Variants in HNRNPC observed in about 807,000 individuals in gnomAD.
HNRNPC encodes heterogeneous nuclear ribonucleoproteins C1/C2.
A neutral mutation model predicts 33.2 loss-of-function variants in HNRNPC; 3 were observed. The ratio of observed to expected loss-of-function variants is 0.09; its 90% confidence interval spans 0.04 to 0.23. The LOEUF (loss-of-function observed/expected upper bound fraction) is 0.23, where lower values mean the gene tolerates loss of function less well. Ranked by LOEUF, HNRNPC falls within the 10% of genes least tolerant of loss-of-function variation. HNRNPC has a pLI of 1.00. For synonymous variants in HNRNPC, 121 were observed against 126.7 expected (o/e 0.96, Z 0.30); for missense variants, 143 against 366.7 (o/e 0.39, Z 4.98).
chr14:21,255,943 A>C (rs949663957), intron 2 of HNRNPC, among the ~76,000 whole-genome samples: 1 of 152,224 alleles, frequency 6.6e-6, no homozygotes, highest in African/African-American at 2.4e-5. Flanking sequence ...AAACTGTATG[A>C]GTCAGAGAAA....
intron 6 of HNRNPC, among the ~76,000 whole-genome samples, chr14:21,212,270 T>C (rs999504510): frequency 5.9e-5 from 9 of 152,108 alleles, no homozygotes; most frequent in Non-Finnish European, 1.3e-4. Flanking sequence ...CCTAAGCATC[T>C]GGGGCTACAG....
intron 5 of HNRNPC, among the ~76,000 whole-genome samples, chr14:21,215,890 C>A (rs1488559670): frequency 7.7e-6 from 1 of 129,534 alleles, no homozygotes; most frequent in Non-Finnish European, 1.6e-5. Context: ...CAGAGCAAGA[C>A]TCCGTCTTAA....
chr14:21,262,488 A>G (rs1341496047), intron 2 of HNRNPC: 3 of 152,272 alleles, frequency 2.0e-5, no homozygotes, highest in Admixed American at 1.3e-4. Context: ...AGATGCACAC[A>G]CAAAAGTTTC....
intron 5 of HNRNPC, among the ~76,000 whole-genome samples, chr14:21,224,275 T>C (rs1355765159): frequency 2.0e-5 from 3 of 152,180 alleles, no homozygotes; most frequent in Non-Finnish European, 4.4e-5. Flanking sequence ...CTATTAATAG[T>C]TGAAGAAATG....
intron 2 of HNRNPC, among the ~76,000 whole-genome samples, chr14:21,245,505 T>C (rs57801774): frequency 1.3e-5 from 2 of 151,354 alleles, no homozygotes. Context: ...AAAAAAAATA[T>C]ATATATATTT....
intron 2 of HNRNPC, chr14:21,254,451 C>T (rs971740127): frequency 2.0e-5 from 3 of 152,118 alleles, no homozygotes; most frequent in East Asian, 1.9e-4. Flanking sequence ...TGGAAGAACA[C>T]CCCAAATGTT....
chr14:21,256,009 G>A (rs993962951), intron 2 of HNRNPC, among the ~76,000 whole-genome samples: 3 of 152,188 alleles, frequency 2.0e-5, no homozygotes, highest in African/African-American at 7.2e-5. Context: ...ATACAGTTAA[G>A]AAGGCCAGTG....
chr14:21,241,804 C>CT (rs1895373157), intron 2 of HNRNPC, among the ~76,000 whole-genome samples: 1 of 152,202 alleles, frequency 6.6e-6, no homozygotes, highest in South Asian at 2.1e-4. Context: ...AAGGTAAATA[C>CT]TGTGAGAGTA....
intron 2 of HNRNPC, among the ~76,000 whole-genome samples, chr14:21,245,084 CAAAAAAA>C (rs71112560): frequency 2.0e-4 from 11 of 54,624 alleles, no homozygotes; most frequent in African/African-American, 2.6e-4. Context: ...GACTCCATCT[CAAAAAAA>C]AAAAAAAAAA....
intron 5 of HNRNPC, among the ~76,000 whole-genome samples, chr14:21,229,574 A>AC (rs965255277): frequency 6.6e-6 from 1 of 151,838 alleles, no homozygotes; most frequent in African/African-American, 2.4e-5. Flanking sequence ...TCTCAAACAG[A>AC]AAGTCTATAC....
chr14:21,226,844 C>T (rs1197763109), intron 5 of HNRNPC, among the ~76,000 whole-genome samples: 2 of 132,870 alleles, frequency 1.5e-5, no homozygotes, highest in Admixed American at 9.5e-5. Flanking sequence ...CAACCCACTG[C>T]ACTCCAGCCT....
intron 4 of HNRNPC, 138 bp from the exon 5 acceptor site, chr14:21,230,504 A>G: frequency 1.5e-6 from 1 of 646,686 alleles, no homozygotes; most frequent in Non-Finnish European, 2.8e-6. Flanking sequence ...CCAATCATTC[A>G]TACAATAAAT....
chr14:21,267,114 A>C lies in HNRNPC; in HGVS notation c.-63+2184T>G, dbSNP rs1471259925. 2.0e-4 allele frequency among the ~76,000 whole-genome samples: 13 copies of C among 66,624 alleles called. 1 individual carries two copies. The highest frequency in any genetic ancestry group is 6.9e-4 in the Admixed American group (4 of 5,836). 43.7% of individuals were successfully genotyped at this position (66,624 alleles called of 152,430 possible). A position where few individuals can be genotyped will look rare whatever the true frequency, so the allele number is the denominator to read the frequency against. On this transcript the variant is annotated intron_variant, in intron 1 of 8. Coordinates refer to ENST00000553300, the MANE Select transcript of HNRNPC (RefSeq NM_004500.4). ...CCGTCTCAAAAAAAAAAAAAAAAAA[A>C]AAAAAAAAAAAAACAAAACTGCTTT...
At chr14:21,255,833 G>C (rs1469223570) in intron 2 of HNRNPC, among the ~76,000 whole-genome samples, 1 of 152,172 alleles carries the variant, frequency 6.6e-6, no homozygotes, top group Non-Finnish European at 1.5e-5. Context: ...AAGTGCTAAA[G>C]AGTATTTAGG....
chr14:21,259,937 C>T (rs796234763), intron 2 of HNRNPC, among the ~76,000 whole-genome samples: 2 of 149,174 alleles, frequency 1.3e-5, no homozygotes, highest in Admixed American at 6.7e-5. Flanking sequence ...CGGTGGCTCA[C>T]GCCTGTAATC....
At chr14:21,230,862 AAC>A (rs1298945600) in intron 4 of HNRNPC, 133 bp downstream of exon 4, 13 of 950,596 alleles carry the variant, frequency 1.4e-5, no homozygotes, top group South Asian at 1.3e-4. Flanking sequence ...ACACAGATAA[AAC>A]ACAGTACACT....
chr14:21,215,184 T>C (rs75660427), intron 5 of HNRNPC, among the ~76,000 whole-genome samples: 3,981 of 152,326 alleles, frequency 0.026, 171 homozygotes, highest in African/African-American at 0.091. Context: ...TTAAGGCTTT[T>C]AGTTACACAG....
At chr14:21,243,442 G>A (rs770381527) in intron 2 of HNRNPC, among the ~76,000 whole-genome samples, 7 of 152,136 alleles carry the variant, frequency 4.6e-5, no homozygotes, top group Non-Finnish European at 8.8e-5. Flanking sequence ...TATATATTGT[G>A]TTCAAAAGTT....
At chr14:21,220,070 CTCAG>C (rs899190126) in intron 5 of HNRNPC, among the ~76,000 whole-genome samples, 1 of 152,236 alleles carries the variant, frequency 6.6e-6, no homozygotes, top group African/African-American at 2.4e-5. Context: ...CATTATCTTT[CTCAG>C]TAAGAGTGAT....
Sources: allele counts gnomAD v4.1 joint callset (sites outside exome capture counted in the v4.1 genomes callset), GRCh38; gene constraint gnomAD v4.1.1; transcripts MANE v1.5; gene names NCBI Gene and HGNC (gene_info 2026-07-23, HGNC 2026-07-21).